Variants in DNAH14 observed in about 807,000 individuals in gnomAD.
DNAH14 encodes the protein axonemal beta dynein heavy chain 14.
Under a neutral mutation model 520.9 loss-of-function variants are expected in DNAH14, and 478 were observed. That is an observed-to-expected ratio of 0.92 (90% CI 0.85 to 0.99). The LOEUF is 0.99. DNAH14 is among the 50% of genes least tolerant of loss of function. The pLI is 0.00. For synonymous variants in DNAH14, 1,581 were observed against 1,757.2 expected, an observed-to-expected ratio of 0.90 and a Z score of 2.51; for missense variants, 4,831 against 5,234.5, an observed-to-expected ratio of 0.92 and a Z score of 2.38.
intron 42 of DNAH14, among the ~76,000 whole-genome samples, 190 bp downstream of exon 42, chr1:225,231,341 A>G (rs1050058233): frequency 6.6e-6 from 1 of 152,122 alleles, no homozygotes. Flanking sequence ...TTTATGCTGC[A>G]TTTTGAAGTA....
intron 78 of DNAH14, among the ~76,000 whole-genome samples, chr1:225,375,710 C>A (rs2095688677): frequency 6.6e-6 from 1 of 150,912 alleles, no homozygotes; most frequent in Non-Finnish European, 1.5e-5. Context: ...AAATTATATC[C>A]TTTATGCACT....
chr1:225,264,092 A>G, intron 46 of DNAH14, 105 bp from the exon 47 acceptor site: 1 of 947,164 alleles, frequency 1.1e-6, no homozygotes, highest in Non-Finnish European at 1.6e-6. Context: ...TTCTTGTAAG[A>G]GTTAGAAGTA....
At chr1:225,172,119 A>C (rs1369060465) in intron 36 of DNAH14, among the ~76,000 whole-genome samples, 1 of 152,334 alleles carries the variant, frequency 6.6e-6, no homozygotes, top group South Asian at 2.1e-4. Flanking sequence ...ATCTCAAAAT[A>C]ATAAGAGCTA....
intron 8 of DNAH14, among the ~76,000 whole-genome samples, chr1:224,997,728 CT>C (rs906416148): frequency 3.3e-5 from 5 of 149,568 alleles, no homozygotes; most frequent in African/African-American, 4.9e-5. Flanking sequence ...ATTCAATTTT[CT>C]TTTTTTTTCA....
intron 12 of DNAH14, among the ~76,000 whole-genome samples, chr1:225,041,755 A>G (rs1052144952): frequency 6.6e-6 from 1 of 152,220 alleles, no homozygotes; most frequent in Non-Finnish European, 1.5e-5. Context: ...AAATGCAGTA[A>G]TATTAGAAGG....
At chr1:225,089,521 T>C (rs1314340387) in intron 21 of DNAH14, among the ~76,000 whole-genome samples, 1 of 149,874 alleles carries the variant, frequency 6.7e-6, no homozygotes, top group Non-Finnish European at 1.5e-5. Flanking sequence ...AAAGGAGATA[T>C]TTAAAAAATT....
At chr1:225,025,982 T>C (rs2066085447) in intron 11 of DNAH14, among the ~76,000 whole-genome samples, 1 of 152,032 alleles carries the variant, frequency 6.6e-6, no homozygotes, top group Admixed American at 6.6e-5. Context: ...TCTTTGTTCA[T>C]TTTTAAATTG....
chr1:225,185,928 C>G (rs2084647772), intron 37 of DNAH14, among the ~76,000 whole-genome samples: 1 of 94,512 alleles, frequency 1.1e-5, no homozygotes, highest in South Asian at 3.5e-4. Flanking sequence ...TTGGAATTTT[C>G]TATTCGCATT....
At chr1:225,143,839 G>T (rs749026780) in intron 28 of DNAH14, among the ~76,000 whole-genome samples, 1 of 152,130 alleles carries the variant, frequency 6.6e-6, no homozygotes, top group Non-Finnish European at 1.5e-5. Context: ...ATAGAGTCAA[G>T]AATTCATACC....
At chr1:225,351,937 G>A in intron 72 of DNAH14, 54 bp downstream of exon 72, 1 of 1,383,768 alleles carries the variant, frequency 7.2e-7, no homozygotes, top group East Asian at 2.5e-5. Context: ...TATGTGTATG[G>A]ATTTTCAATT....
chr1:225,174,989 A>G (rs1469194800), intron 36 of DNAH14, among the ~76,000 whole-genome samples: 2 of 152,170 alleles, frequency 1.3e-5, no homozygotes. Flanking sequence ...ACTGTTTTGC[A>G]TATGTTGAAC....
intron 53 of DNAH14, among the ~76,000 whole-genome samples, chr1:225,277,117 G>A (rs1242991109): frequency 2.0e-5 from 2 of 99,384 alleles, no homozygotes; most frequent in Non-Finnish European, 4.1e-5. Flanking sequence ...GGGAGGGGGG[G>A]AGGGGGACGG....
rs894073322 is a variant in DNAH14 at position 225,117,742 on chromosome 1, A to T, written c.3926A>T (p.Glu1309Val). 1.3e-6 allele frequency: 2 copies of T among 1,550,956 alleles called. No individual in the cohort carries two copies. The highest frequency in any genetic ancestry group is 4.9e-5 in the East Asian group (2 of 40,886). The change falls in exon 24 of 86, where the codon GAG becomes GTG. Residue 1309 changes from glutamate (E) to valine (V), a missense_variant. Transcript: ENST00000682510. Reference sequence around the variant, plus strand: ...AGATTTTACTTTCTTAGCAATGCCGAGCTTCTTGATATTCTAGCTGATAGC... The same window carrying T: ...AGATTTTACTTTCTTAGCAATGCCGTGCTTCTTGATATTCTAGCTGATAGC... ...FPRFYFLSNA[E>V]LLDILADSRN...
chr1:225,275,918 A>C lies in DNAH14; in HGVS notation c.8015A>C (p.Gln2672Pro), dbSNP rs2093456615. 2.9e-6 allele frequency: 1 copy of C among 339,100 alleles called. No individual in the cohort carries two copies. Among genetic ancestry groups the C allele is most frequent in the African/African-American group, 2.2e-5 (1 of 45,116 alleles). 21.0% of individuals were successfully genotyped at this position (339,100 alleles called of 1,614,324 possible). A position where few individuals can be genotyped will look rare whatever the true frequency, so the allele number is the denominator to read the frequency against. Residue 2672 changes from glutamine (Q) to proline (P), a missense_variant, in exon 53 of 86, where the codon CAG becomes CCG. Gln to Pro is a moderately conservative substitution (Grantham distance 76, BLOSUM62 -1). Coordinates refer to ENST00000682510, the MANE Select transcript of DNAH14 (RefSeq NM_001367479.1). ...SRELENCFQI[Q>P]WTQENLMNHS... ...TAAATTCTTATCTTACAATAGATTC[A>C]GTGGACCCAAGAAAACCTGATGAAT...
At chr1:225,125,130 G>T (rs535663752) in intron 27 of DNAH14, among the ~76,000 whole-genome samples, 1 of 152,296 alleles carries the variant, frequency 6.6e-6, no homozygotes, top group Admixed American at 6.5e-5. Flanking sequence ...AGGCCTTGTT[G>T]TTCCATTTGT....
chr1:225,093,513 C>T (rs973167765), intron 21 of DNAH14, among the ~76,000 whole-genome samples: 7 of 152,060 alleles, frequency 4.6e-5, no homozygotes, highest in Admixed American at 1.3e-4. Flanking sequence ...ATGACAAACC[C>T]GCAGCCAACA....
At chr1:225,245,653 G>A (rs113225977) in intron 43 of DNAH14, among the ~76,000 whole-genome samples, 2,509 of 152,186 alleles carry the variant, frequency 0.016, 36 homozygotes, top group Non-Finnish European at 0.028. Flanking sequence ...AAATACCTAG[G>A]AATACAACTT....
At position 225,338,123 on chromosome 1, in the gene DNAH14, A is replaced by G. The variant is rs535375763; in HGVS notation, c.10374A>G (p.Lys3458=). ...KAILKKDIYQ[K]KGHYFIRVGD... ...TTCTGAAAAAGGATATCTATCAGAAAAAAGGACACTATTTCATAAGGGTTG... is the reference window on the plus strand; with the variant it reads ...TTCTGAAAAAGGATATCTATCAGAAGAAAGGACACTATTTCATAAGGGTTG... The change falls in exon 68 of 86, where the codon AAA becomes AAG. Residue 3458 remains lysine (K), a synonymous_variant. Transcript: ENST00000682510. 1 of 1,551,874 alleles carries G rather than the reference A, an allele frequency of 6.4e-7. No individual in the cohort carries two copies. Among genetic ancestry groups the G allele is most frequent in the African/African-American group, 1.4e-5 (1 of 73,170 alleles).
At chr1:225,032,657 A>G (rs1371183997) in intron 11 of DNAH14, among the ~76,000 whole-genome samples, 1 of 152,044 alleles carries the variant, frequency 6.6e-6, no homozygotes, top group Non-Finnish European at 1.5e-5. Context: ...TAATCGCCAT[A>G]CTGTTTTCCA....
Sources: gnomAD v4.1 joint callset for allele counts (sites outside exome capture counted in the v4.1 genomes callset) on GRCh38, gnomAD v4.1.1 for gene constraint, MANE v1.5 for transcripts, NCBI Gene and HGNC (gene_info 2026-07-23, HGNC 2026-07-21) for gene names.